RMDN2: variants seen among roughly 807,000 people sequenced by gnomAD.
RMDN2 encodes the protein regulator of microtubule dynamics 2, also known as regulator of microtubule dynamics protein 2.
In RMDN2, 61 loss-of-function variants were observed where a neutral mutation model predicts 52.8. That is an observed-to-expected ratio of 1.16 (90% CI 0.94 to 1.43). The LOEUF is 1.43. Ranked by LOEUF, RMDN2 falls within the 40% of genes most tolerant of loss-of-function variation. The pLI is 0.00. For synonymous variants in RMDN2, 180 were observed against 153.1 expected (o/e 1.18, Z -1.30); for missense variants, 592 against 475.3 (o/e 1.25, Z -2.28).
intron 1 of RMDN2, among the ~76,000 whole-genome samples, chr2:37,926,687 C>T (rs1295819647): frequency 2.0e-5 from 3 of 152,160 alleles, no homozygotes; most frequent in Non-Finnish European, 4.4e-5. Context: ...TGCTGCTTAT[C>T]CCAGCACTTT....
At chr2:37,950,702 G>T in intron 2 of RMDN2, 1 of 1,071,854 alleles carries the variant, frequency 9.3e-7, no homozygotes, top group Non-Finnish European at 1.4e-6. Flanking sequence ...GGATATCCTG[G>T]ACTGTCCAGA....
At chr2:37,964,037 GC>G (rs1284331612) in intron 2 of RMDN2, among the ~76,000 whole-genome samples, 1 of 148,196 alleles carries the variant, frequency 6.7e-6, no homozygotes, top group African/African-American at 2.5e-5. Flanking sequence ...GGCGGGGGCT[GC>G]CCCCCACCTC....
chr2:37,986,347 C>T lies in RMDN2; in HGVS notation c.792-3194C>T, dbSNP rs115408091. Among the ~76,000 whole-genome samples the T allele has an allele frequency of 8.7e-3, 1,320 of 152,106 alleles. 24 individuals carry two copies. Among genetic ancestry groups the T allele is most frequent in the African/African-American group, 0.03 (1,233 of 41,484 alleles). On this transcript the variant is annotated intron_variant, in intron 5 of 10. Transcript: ENST00000354545. ...CAAAACAGAAAGCATCAGGACCAGA[C>T]GGGGTCATTGGTAAATTCTACCAAA... is the stretch of plus-strand genomic sequence containing the variant.
intron 10 of RMDN2, among the ~76,000 whole-genome samples, chr2:38,054,674 G>C (rs1681780641): frequency 6.6e-6 from 1 of 152,142 alleles, no homozygotes; most frequent in African/African-American, 2.4e-5. Flanking sequence ...GTCACTCTGT[G>C]GCTTGCAGCA....
At chr2:38,008,315 C>G (rs1213776902) in intron 10 of RMDN2, among the ~76,000 whole-genome samples, 1 of 152,140 alleles carries the variant, frequency 6.6e-6, no homozygotes, top group African/African-American at 2.4e-5. Flanking sequence ...GTGTTAAAGT[C>G]TCCCATTATT....
intron 8 of RMDN2, among the ~76,000 whole-genome samples, chr2:37,999,442 TC>T (rs1220062247): frequency 6.6e-6 from 1 of 152,146 alleles, no homozygotes; most frequent in Non-Finnish European, 1.5e-5. Context: ...TTTAAACACC[TC>T]AGCAAACCAT....
At chr2:37,931,593 C>T (rs2124893860) in intron 2 of RMDN2, among the ~76,000 whole-genome samples, 1 of 152,296 alleles carries the variant, frequency 6.6e-6, no homozygotes, top group Non-Finnish European at 1.5e-5. Flanking sequence ...TTAAGTTGAG[C>T]TTAGGCTTAT....
intron 5 of RMDN2, among the ~76,000 whole-genome samples, chr2:37,982,256 G>T (rs1374188): frequency 0.84 from 127,856 of 152,140 alleles, 54,131 homozygotes; most frequent in African/African-American, 0.93. Context: ...TTCCTCAAAG[G>T]AGACCTCTTT....
chr2:38,015,210 C>G (rs1234926247), intron 10 of RMDN2, among the ~76,000 whole-genome samples: 1 of 152,086 alleles, frequency 6.6e-6, no homozygotes, highest in Non-Finnish European at 1.5e-5. Flanking sequence ...TCAGATGGCC[C>G]CTGAATGAGA....
At chr2:37,973,942 G>C in intron 2 of RMDN2, 98 bp from the exon 3 acceptor site, 2 of 946,300 alleles carry the variant, frequency 2.1e-6, no homozygotes, top group Admixed American at 2.3e-5. Context: ...AGAGTTTCAA[G>C]CATAAGAGGG....
At chr2:37,993,578 G>A (rs909350659) in intron 7 of RMDN2, among the ~76,000 whole-genome samples, 2 of 151,990 alleles carry the variant, frequency 1.3e-5, no homozygotes, top group African/African-American at 4.8e-5. Context: ...AAGAATACCA[G>A]TTCCAAGTAC....
At chr2:38,054,989 A>T (rs956613826) in intron 10 of RMDN2, among the ~76,000 whole-genome samples, 1 of 152,322 alleles carries the variant, frequency 6.6e-6, no homozygotes, top group Admixed American at 6.5e-5. Context: ...CACATTCAGA[A>T]AGTTACCAGA....
intron 10 of RMDN2, among the ~76,000 whole-genome samples, chr2:38,031,060 T>C (rs1223516504): frequency 1.3e-5 from 2 of 151,746 alleles, no homozygotes; most frequent in African/African-American, 4.8e-5. Flanking sequence ...GTGTCTCCCA[T>C]AGGGAGGGAA....
intron 10 of RMDN2, among the ~76,000 whole-genome samples, chr2:38,038,855 C>T (rs1166685297): frequency 6.6e-6 from 1 of 152,062 alleles, no homozygotes; most frequent in Non-Finnish European, 1.5e-5. Flanking sequence ...CTTGGCATCT[C>T]CCATCCCATC....
intron 2 of RMDN2, among the ~76,000 whole-genome samples, chr2:37,932,719 C>T (rs562579774): frequency 6.4e-5 from 8 of 125,706 alleles, no homozygotes; most frequent in East Asian, 2.5e-4. Context: ...CCGGACGGGG[C>T]GGCTGGCCGG....
intron 1 of RMDN2, among the ~76,000 whole-genome samples, chr2:37,928,147 C>T (rs1270594417): frequency 6.6e-6 from 1 of 152,198 alleles, no homozygotes; most frequent in African/African-American, 2.4e-5. Flanking sequence ...TTCTCTTTGA[C>T]ACTTAGGCCT....
At chr2:38,041,683 T>C (rs1680963896) in intron 10 of RMDN2, among the ~76,000 whole-genome samples, 1 of 152,136 alleles carries the variant, frequency 6.6e-6, no homozygotes, top group African/African-American at 2.4e-5. Context: ...GTCAGATGGT[T>C]TTTCTGCATT....
At chr2:37,968,804 A>T (rs1458905321) in intron 2 of RMDN2, among the ~76,000 whole-genome samples, 1 of 152,210 alleles carries the variant, frequency 6.6e-6, no homozygotes, top group Non-Finnish European at 1.5e-5. Context: ...CTATTAGAAA[A>T]TTCTAGGTTT....
At chr2:37,940,600 C>G (rs1667704217) in intron 2 of RMDN2, among the ~76,000 whole-genome samples, 1 of 152,008 alleles carries the variant, frequency 6.6e-6, no homozygotes, top group South Asian at 2.1e-4. Flanking sequence ...CTTTTTTTCT[C>G]TAATCTTGTC....
Sources: allele counts gnomAD v4.1 joint callset (sites outside exome capture counted in the v4.1 genomes callset), GRCh38; gene constraint gnomAD v4.1.1; transcripts MANE v1.5; gene names NCBI Gene and HGNC (gene_info 2026-07-23, HGNC 2026-07-21).